The following DYM variants were observed in gnomAD, a reference collection of about 807,000 sequenced individuals.
DYM encodes the protein dymeclin, also known as dyggve-Melchior-Clausen syndrome protein.
A neutral mutation model predicts 93.1 loss-of-function variants in DYM; 78 were observed. The observed-to-expected ratio is 0.84, with a 90% CI of 0.70 to 1.01. The LOEUF is 1.01. Among genes scored for constraint, DYM ranks in the 50% least tolerant of loss-of-function variants. The probability of loss-of-function intolerance (pLI) is 0.00; values close to 1 mark genes in which losing one functional copy is unlikely to be tolerated. For missense variants in DYM, 789 were observed against 845.0 expected, an observed-to-expected ratio of 0.93 and a Z score of 0.82; for synonymous variants, 321 against 319.7, an observed-to-expected ratio of 1.00 and a Z score of -0.04.
At chr18:49,052,761 G>A (rs751266735) in intron 17 of DYM, among the ~76,000 whole-genome samples, 6 of 152,198 alleles carry the variant, frequency 3.9e-5, no homozygotes, top group Non-Finnish European at 7.3e-5. Context: ...TTGGGCTCTA[G>A]CTAGTGACTC....
chr18:49,081,516 G>A (rs1022829574), intron 17 of DYM, among the ~76,000 whole-genome samples: 3 of 139,258 alleles, frequency 2.2e-5, no homozygotes, highest in South Asian at 2.3e-4. Context: ...GAGGGAGACC[G>A]AGAGGGAGAG....
chr18:49,299,178 C>A (rs1021875059), intron 8 of DYM, among the ~76,000 whole-genome samples: 1 of 152,106 alleles, frequency 6.6e-6, no homozygotes, highest in Non-Finnish European at 1.5e-5. Context: ...TTAAAAAAAT[C>A]TTTAATAGTT....
intron 16 of DYM, among the ~76,000 whole-genome samples, chr18:49,109,326 T>G (rs1315669636): frequency 6.6e-6 from 1 of 152,226 alleles, no homozygotes; most frequent in Non-Finnish European, 1.5e-5. Context: ...GCCTTTGGAC[T>G]GGGTATAATT....
intron 6 of DYM, among the ~76,000 whole-genome samples, chr18:49,339,853 G>T (rs915685489): frequency 6.6e-6 from 1 of 152,222 alleles, no homozygotes; most frequent in South Asian, 2.1e-4. Flanking sequence ...TGCAAAGTTG[G>T]AGGCAATCCG....
chr18:49,143,739 A>C (rs567422370), intron 15 of DYM, among the ~76,000 whole-genome samples: 50 of 152,274 alleles, frequency 3.3e-4, no homozygotes, highest in Middle Eastern at 3.4e-3. Flanking sequence ...ACGCTGTATA[A>C]CCTCTGTAAC....
At chr18:49,456,370 A>G (rs1034107013) in intron 1 of DYM, among the ~76,000 whole-genome samples, 2 of 152,216 alleles carry the variant, frequency 1.3e-5, no homozygotes, top group African/African-American at 4.8e-5. Flanking sequence ...TGATACAGGT[A>G]GGGTTTTCAA....
intron 14 of DYM, among the ~76,000 whole-genome samples, chr18:49,207,680 C>T (rs975792036): frequency 2.0e-5 from 3 of 152,164 alleles, no homozygotes; most frequent in South Asian, 2.1e-4. Flanking sequence ...ACTTGTCTGA[C>T]GGCCTGCCCT....
chr18:49,352,051 G>A (rs1454758559), intron 6 of DYM, among the ~76,000 whole-genome samples: 1 of 152,154 alleles, frequency 6.6e-6, no homozygotes, highest in Non-Finnish European at 1.5e-5. Context: ...AAAAAAGAAT[G>A]AAGTACTGAT....
intron 17 of DYM, among the ~76,000 whole-genome samples, chr18:49,082,158 AAG>A (rs1184665053): frequency 2.0e-5 from 3 of 152,268 alleles, no homozygotes; most frequent in East Asian, 3.8e-4. Context: ...CAGAAATATC[AAG>A]AGTCTTCCAT....
intron 2 of DYM, among the ~76,000 whole-genome samples, chr18:49,398,284 T>C (rs2148002076): frequency 6.6e-6 from 1 of 152,296 alleles, no homozygotes; most frequent in East Asian, 1.9e-4. Context: ...TCTGTCTCTC[T>C]GTCTGCTGCC....
intron 1 of DYM, among the ~76,000 whole-genome samples, chr18:49,436,286 A>C (rs1177967694): frequency 6.6e-6 from 1 of 152,176 alleles, no homozygotes; most frequent in Non-Finnish European, 1.5e-5. Context: ...AAAGCACTGG[A>C]ATTAGAGGTA....
At chr18:49,050,490 T>C (rs139530711) in intron 17 of DYM, among the ~76,000 whole-genome samples, 265 of 152,256 alleles carry the variant, frequency 1.7e-3, no homozygotes, top group African/African-American at 5.7e-3. Flanking sequence ...ACTTCTGCAA[T>C]GTATGTGACC....
intron 16 of DYM, among the ~76,000 whole-genome samples, chr18:49,104,260 T>A (rs2080527038): frequency 6.6e-6 from 1 of 152,178 alleles, no homozygotes; most frequent in African/African-American, 2.4e-5. Context: ...GCACATTGAT[T>A]TTGTAACCTG....
intron 13 of DYM, among the ~76,000 whole-genome samples, chr18:49,212,261 A>C (rs2092818643): frequency 6.6e-6 from 1 of 152,224 alleles, no homozygotes; most frequent in South Asian, 2.1e-4. Context: ...AGGAGAAAAA[A>C]GGCATTTTTT....
chr18:49,218,587 C>G (rs1250367937), intron 13 of DYM, among the ~76,000 whole-genome samples: 62 of 152,050 alleles, frequency 4.1e-4, no homozygotes, highest in Admixed American at 3.9e-3. Flanking sequence ...AACTAGAACT[C>G]AGGATTAAGA....
At chr18:49,387,117 T>C (rs780062418) in intron 3 of DYM, among the ~76,000 whole-genome samples, 4 of 151,790 alleles carry the variant, frequency 2.6e-5, no homozygotes, top group Non-Finnish European at 5.9e-5. Flanking sequence ...TTTTAGTTTT[T>C]TGTAGAGACA....
chr18:49,149,248 C>T (rs563757718), intron 15 of DYM, among the ~76,000 whole-genome samples: 2 of 152,188 alleles, frequency 1.3e-5, no homozygotes, highest in East Asian at 3.9e-4. Flanking sequence ...TGAAGCTTTG[C>T]TCACTTGCCC....
chr18:49,286,586 C>T lies in DYM; in HGVS notation c.794G>A (p.Gly265Asp), dbSNP rs977478447. ...AGAGGCAGCCGCTTTGCTGCCCACA[C>T]CACCTAGTGTGAAGACAGTCCAGAG... ...TGLWTVFTLG[G>D]VGSKAAASPE... The change falls in exon 9 of 18, where the codon GGT (glycine) becomes GAT (aspartate). Residue 265 changes from glycine to aspartate, a missense_variant. By Grantham distance (94) the Gly-to-Asp change is moderately conservative. Around this residue, in one of 3 missense-constraint regions of DYM, gnomAD observed 450 missense variants for 436.2 expected, o/e 1.03. Transcript: ENST00000675505. 5 of 1,614,022 alleles carry T rather than the reference C, an allele frequency of 3.1e-6. No homozygotes were observed. The South Asian group carries it at 3.3e-5, about 11-fold the overall frequency.
intron 6 of DYM, among the ~76,000 whole-genome samples, chr18:49,355,650 G>T (rs1029149695): frequency 6.6e-6 from 1 of 152,108 alleles, no homozygotes; most frequent in African/African-American, 2.4e-5. Flanking sequence ...GGACACTGAC[G>T]GTGCAGAAGG....
Sources: allele counts gnomAD v4.1 joint callset (sites outside exome capture counted in the v4.1 genomes callset), GRCh38; gene constraint gnomAD v4.1.1; regional missense constraint gnomAD v4.1.1; transcripts MANE v1.5; gene names NCBI Gene and HGNC (gene_info 2026-07-23, HGNC 2026-07-21).